BLOC1S3: variants seen among roughly 807,000 people sequenced by gnomAD.
BLOC1S3 encodes the protein biogenesis of lysosomal organelles complex 1 subunit 3.
A neutral mutation model predicts 9.1 loss-of-function variants in BLOC1S3; 7 were observed. That is an observed-to-expected ratio of 0.77 (90% CI 0.44 to 1.45). The LOEUF is 1.45. BLOC1S3 is among the 40% of genes most tolerant of loss of function. BLOC1S3 has a pLI of 0.01. For missense variants in BLOC1S3, 307 were observed against 315.2 expected (o/e 0.97, Z 0.20); for synonymous variants, 145 against 158.4 (o/e 0.92, Z 0.64).
chr19:45,182,273 G>T (rs1969530544), downstream of BLOC1S3, among the ~76,000 whole-genome samples: 1 of 152,170 alleles, frequency 6.6e-6, no homozygotes, highest in Non-Finnish European at 1.5e-5. Flanking sequence ...TACTCAGGGA[G>T]CTGGGGCATG....
chr19:45,195,951 G>A (rs1332422170), intron 2 of BLOC1S3, among the ~76,000 whole-genome samples: 1 of 152,198 alleles, frequency 6.6e-6, no homozygotes, highest in Admixed American at 6.6e-5. Flanking sequence ...ATGAAAAACA[G>A]CTGAGCCATT....
rs71173125 is a variant in BLOC1S3 at position 45,210,289 on chromosome 19, CTTTTTTT to C, written n.283-6365_283-6359del. Among the ~76,000 whole-genome samples, 544 of 74,408 alleles carry C rather than the reference CTTTTTTT, an allele frequency of 7.3e-3. 4 individuals are homozygous for C. Among genetic ancestry groups the C allele is most frequent in the African/African-American group, 0.027 (507 of 18,688 alleles). The allele number at this position is 74,408 out of a possible 152,430, so 48.8% of individuals were successfully genotyped here. On this transcript the variant is annotated intron_variant and non_coding_transcript_variant, in intron 3 of 3. Coordinates refer to the BLOC1S3 transcript ENST00000591569. ...ATATACATAAAATTTACTATTTTAA[CTTTTTTT>C]TTTTTTTTTTTTTTTTTTTTTGAGA...
At chr19:45,204,594 G>A (rs966801707) in intron 3 of BLOC1S3, among the ~76,000 whole-genome samples, 1 of 152,158 alleles carries the variant, frequency 6.6e-6, no homozygotes, top group African/African-American at 2.4e-5. Flanking sequence ...AATCCAAGAT[G>A]GCGTCTTACA....
rs561640884 is a variant in BLOC1S3, at chr19:45,211,489, C to T, written n.283-5187C>T. On this transcript the variant is annotated intron_variant and non_coding_transcript_variant, in intron 3 of 3. Coordinates refer to the BLOC1S3 transcript ENST00000591569. ...TCGCGCCATTGCACTCTAGCCTGGGCGACAGAATGAGACTCTGACTGAAAA... is the reference window on the plus strand; with the variant it reads ...TCGCGCCATTGCACTCTAGCCTGGGTGACAGAATGAGACTCTGACTGAAAA... Among the ~76,000 whole-genome samples the T allele has an allele frequency of 4.2e-5, 6 of 142,920 alleles. No homozygotes were observed. The South Asian group carries it at 1.1e-3, about 26-fold the overall frequency. 93.8% of individuals were successfully genotyped at this position (142,920 alleles called of 152,430 possible).
At chr19:45,200,965 G>C (rs1218693537) in intron 2 of BLOC1S3, among the ~76,000 whole-genome samples, 3 of 152,192 alleles carry the variant, frequency 2.0e-5, no homozygotes, top group Non-Finnish European at 4.4e-5. Context: ...ACATTGGGCA[G>C]CCTAGGCAGG....
intron 3 of BLOC1S3, among the ~76,000 whole-genome samples, chr19:45,214,126 A>C (rs1307236495): frequency 6.6e-6 from 1 of 152,116 alleles, no homozygotes; most frequent in African/African-American, 2.4e-5. Context: ...CAGAAACTCC[A>C]CATCAGCAAG....
chr19:45,193,989 G>T (rs1969627661), intron 2 of BLOC1S3, among the ~76,000 whole-genome samples: 1 of 130,858 alleles, frequency 7.6e-6, no homozygotes, highest in Admixed American at 8.4e-5. Context: ...ATTTTTAGTA[G>T]AGAAGGGGTT....
chr19:45,210,251 T>G (rs1969758005), intron 3 of BLOC1S3, among the ~76,000 whole-genome samples: 1 of 151,946 alleles, frequency 6.6e-6, no homozygotes, highest in African/African-American at 2.4e-5. Context: ...TAAAATTTTT[T>G]TATTGTGCTG....
Position 45,216,125 on chromosome 19 carries a change from G to A in BLOC1S3, n.283-551G>A, listed in dbSNP as rs746231519. ...ACTCCCACCTCCACCTGGATGCTGG[G>A]CGTGTCTTCCAGCTGCATGACTTCA... is the stretch of plus-strand genomic sequence containing the variant. On this transcript the variant is annotated intron_variant and non_coding_transcript_variant, in intron 3 of 3. Transcript: ENST00000591569. 6.2e-6 allele frequency: 10 copies of A among 1,613,986 alleles called. No individual in the cohort carries two copies. In the East Asian group the frequency reaches 2.2e-4, roughly 36 times the overall value.
At chr19:45,208,889 ATAAAG>A (rs1449639354) in intron 3 of BLOC1S3, among the ~76,000 whole-genome samples, 1 of 152,212 alleles carries the variant, frequency 6.6e-6, no homozygotes, top group Admixed American at 6.6e-5. Context: ...ATGACATGAG[ATAAAG>A]TAATGCTTAG....
intron 3 of BLOC1S3, chr19:45,213,322 C>T: frequency 6.2e-7 from 1 of 1,613,642 alleles, no homozygotes; most frequent in Non-Finnish European, 8.5e-7. Context: ...GTTGCGCAGG[C>T]CACGGATGTC....
chr19:45,200,244 C>T (rs548166569), intron 2 of BLOC1S3, among the ~76,000 whole-genome samples: 21 of 148,568 alleles, frequency 1.4e-4, no homozygotes, highest in African/African-American at 3.5e-4. Context: ...TGCAGTGACA[C>T]GATCTCCGCT....
chr19:45,194,402 C>T (rs899099042), intron 2 of BLOC1S3, among the ~76,000 whole-genome samples: 2 of 152,022 alleles, frequency 1.3e-5, no homozygotes, highest in East Asian at 1.9e-4. Flanking sequence ...CATGAGCCAC[C>T]GCGCCCAGCC....
Position 45,179,776 on chromosome 19 carries a change from G to A in BLOC1S3, c.480G>A (p.Val160=). ...QAAGLAAAHS[V]RLARGDLCAL... is the part of the protein sequence containing the mutation. ...CGGGGCTGGCGGCGGCCCACAGCGT[G>A]CGCCTGGCGCGCGGGGACCTTTGTG... Residue 160 remains valine (V), a synonymous_variant, in exon 2 of 2, where the codon GTG becomes GTA. Coordinates refer to ENST00000433642, the MANE Select transcript of BLOC1S3 (RefSeq NM_212550.5). The surrounding 1 kb of genome is among the most constrained non-coding windows in gnomAD (Gnocchi z 4.6). 1 of 1,549,338 alleles carries A rather than the reference G, an allele frequency of 6.5e-7. No individual in the cohort carries two copies. The highest frequency in any genetic ancestry group is 1.4e-5 in the African/African-American group (1 of 70,684).
rs200836902 is a variant in BLOC1S3, at chr19:45,213,099, C to T, written n.283-3577C>T. 1,415 of 1,526,974 alleles carry T rather than the reference C, an allele frequency of 9.3e-4. No individual in the cohort carries two copies. Among genetic ancestry groups the T allele is most frequent in the Non-Finnish European group, 1.1e-3 (1,292 of 1,142,058 alleles). The allele number at this position is 1,526,974 out of a possible 1,614,324, so 94.6% of individuals were successfully genotyped here. ...GCTGGGCCCGAGGTCGCGCTAGAGA[C>T]GGAGGCCGGGGCCGAGGCAGACAGG... On this transcript the variant is annotated intron_variant and non_coding_transcript_variant, in intron 3 of 3. Coordinates refer to the BLOC1S3 transcript ENST00000591569.
intron 3 of BLOC1S3, among the ~76,000 whole-genome samples, chr19:45,205,596 GTTCA>G (rs1404884393): frequency 6.6e-6 from 1 of 152,114 alleles, no homozygotes; most frequent in Non-Finnish European, 1.5e-5. Context: ...TGATGCAAAA[GTTCA>G]TTATGTACAA....
intron 2 of BLOC1S3, among the ~76,000 whole-genome samples, chr19:45,189,487 TA>T (rs1449966558): frequency 6.6e-6 from 1 of 151,350 alleles, no homozygotes; most frequent in African/African-American, 2.4e-5. Context: ...GGCTGGAGTG[TA>T]ATGGTGCGAT....
downstream of BLOC1S3, among the ~76,000 whole-genome samples, chr19:45,185,532 G>A (rs1969560393): frequency 6.6e-6 from 1 of 152,022 alleles, no homozygotes; most frequent in Admixed American, 6.6e-5. Context: ...ACAAATATTT[G>A]CTAACCACAT....
chr19:45,214,456 GTGTT>G (rs57770472), intron 3 of BLOC1S3, among the ~76,000 whole-genome samples: 209 of 151,446 alleles, frequency 1.4e-3, no homozygotes, highest in Middle Eastern at 6.8e-3. Flanking sequence ...GTTTTTTTGT[GTGTT>G]TGTTTGTTTG....
Sources: allele counts gnomAD v4.1 joint callset (sites outside exome capture counted in the v4.1 genomes callset), GRCh38; gene constraint gnomAD v4.1.1; non-coding constraint Gnocchi (gnomAD v3.1); transcripts MANE v1.5; gene names NCBI Gene and HGNC (gene_info 2026-07-23, HGNC 2026-07-21).